Variants in ORMDL1 observed in about 807,000 individuals in gnomAD.
ORMDL1 encodes the protein ORMDL sphingolipid biosynthesis regulator 1, also known as ORM1-like protein 1.
ORMDL1 carries 10 observed loss-of-function variants against 13.0 expected under a neutral mutation model. The ratio of observed to expected loss-of-function variants is 0.77; its 90% confidence interval spans 0.47 to 1.30. ORMDL1 has a LOEUF of 1.30. Ranked by LOEUF, ORMDL1 falls within the 50% of genes most tolerant of loss-of-function variation. The pLI is 0.00. For synonymous variants in ORMDL1, 61 were observed against 63.9 expected, an observed-to-expected ratio of 0.95 and a Z score of 0.22; for missense variants, 171 against 186.7, an observed-to-expected ratio of 0.92 and a Z score of 0.49.
chr2:189,769,906 G>C (rs1260600278), downstream of ORMDL1, among the ~76,000 whole-genome samples: 2 of 152,040 alleles, frequency 1.3e-5, no homozygotes, highest in Non-Finnish European at 2.9e-5. Context: ...TATGTCTCCT[G>C]ACTTGAAGTC....
chr2:189,783,206 TAAG>T (rs916387501), intron 1 of ORMDL1, 83 bp from the exon 2 acceptor site: 8 of 152,230 alleles, frequency 5.3e-5, no homozygotes, highest in Admixed American at 5.2e-4. Flanking sequence ...TAGGTGAAAA[TAAG>T]GAGTCTTCTG....
intron 3 of ORMDL1, among the ~76,000 whole-genome samples, chr2:189,779,057 A>G (rs989217018): frequency 6.6e-6 from 1 of 152,150 alleles, no homozygotes; most frequent in Non-Finnish European, 1.5e-5. Flanking sequence ...ACACACCTAT[A>G]GTCCTAGCTA....
At chr2:189,773,465 T>G (rs2047624150) in intron 4 of ORMDL1, among the ~76,000 whole-genome samples, 1 of 152,220 alleles carries the variant, frequency 6.6e-6, no homozygotes, top group African/African-American at 2.4e-5. Flanking sequence ...GCTCACCCTG[T>G]AATCCCAGCA....
At chr2:189,782,055 G>A (rs528502529) in intron 3 of ORMDL1, among the ~76,000 whole-genome samples, 1 of 151,604 alleles carries the variant, frequency 6.6e-6, no homozygotes. Context: ...CGATTCTCCT[G>A]CCTCAGCCTC....
At position 189,775,675 on chromosome 2, in the gene ORMDL1, G is replaced by A. The variant is rs150700090; in HGVS notation, c.216C>T (p.Phe72=). ...TTGCTTTACCCTGGTCAGGAGTTTC[G>A]AAAGGTGTTCCTTTCACTGCATGCA... The part of the protein sequence containing the change: ...VFLHAVKGTP[F]ETPDQGKARL... The change falls in exon 4 of 5, where the codon TTC becomes TTT. Residue 72 remains phenylalanine (F), a synonymous_variant. Transcript: ENST00000392349. 3.5e-5 allele frequency: 57 copies of A among 1,613,756 alleles called. No individual in the cohort carries two copies. The African/African-American group carries it at 5.2e-4, about 15-fold the overall frequency.
chr2:189,783,888 G>C (rs967362105), intron 1 of ORMDL1, among the ~76,000 whole-genome samples: 6 of 152,206 alleles, frequency 3.9e-5, no homozygotes, highest in Non-Finnish European at 7.3e-5. Flanking sequence ...CCGTGAAGAG[G>C]CTGTTGGCTC....
chr2:189,778,128 C>T (rs1054906281), intron 3 of ORMDL1: 8 of 447,338 alleles, frequency 1.8e-5, no homozygotes, highest in African/African-American at 1.4e-4. Flanking sequence ...GCATCTAAAC[C>T]GTGGTGGCTC....
chr2:189,775,316 C>T (rs112092480), intron 4 of ORMDL1: 5 of 337,664 alleles, frequency 1.5e-5, no homozygotes, highest in African/African-American at 4.3e-5. Flanking sequence ...TACATTTGAC[C>T]TGTATATCCT....
chr2:189,777,485 A>G (rs1234064988), intron 3 of ORMDL1, among the ~76,000 whole-genome samples: 1 of 152,232 alleles, frequency 6.6e-6, no homozygotes, highest in African/African-American at 2.4e-5. Flanking sequence ...CCTTCAAACC[A>G]TATGTACTTA....
intron 3 of ORMDL1, among the ~76,000 whole-genome samples, chr2:189,776,475 A>C (rs1432569076): frequency 1.3e-5 from 2 of 152,186 alleles, no homozygotes; most frequent in East Asian, 3.8e-4. Flanking sequence ...TTAGACTCAT[A>C]GGCAGTGTTT....
At chr2:189,764,342 T>C in the ORMDL1 span, 1 of 152,232 alleles carries the variant, frequency 6.6e-6, no homozygotes, top group Non-Finnish European at 1.5e-5. Flanking sequence ...ATCCCAATGC[T>C]CTTCTGTGCT....
At chr2:189,768,243 C>G (rs2047514954), downstream of ORMDL1, among the ~76,000 whole-genome samples, 1 of 152,202 alleles carries the variant, frequency 6.6e-6, no homozygotes, top group Non-Finnish European at 1.5e-5. Flanking sequence ...CTAGATAGGT[C>G]TTTTCAGTAC....
At chr2:189,764,678 A>ATGT in the ORMDL1 span, among the ~76,000 whole-genome samples, 2 of 152,302 alleles carry the variant, frequency 1.3e-5, no homozygotes, top group East Asian at 3.9e-4. Flanking sequence ...GGCATTCTCA[A>ATGT]AAAATATGGC....
downstream of ORMDL1, among the ~76,000 whole-genome samples, chr2:189,770,142 C>CTAAGAGGGAGACTTCTA (rs2047547131): frequency 6.6e-6 from 1 of 151,928 alleles, no homozygotes; most frequent in Non-Finnish European, 1.5e-5. Flanking sequence ...GAAAGCATGT[C>CTAAGAGGGAGACTTCTA]TAAGAGGGAG....
intron 4 of ORMDL1, among the ~76,000 whole-genome samples, chr2:189,772,504 T>C (rs1204358935): frequency 6.6e-6 from 1 of 152,218 alleles, no homozygotes; most frequent in Non-Finnish European, 1.5e-5. Flanking sequence ...CAAATGCATG[T>C]ATGTTTTTGG....
chr2:189,776,762 CAT>C (rs2047706489), intron 3 of ORMDL1, among the ~76,000 whole-genome samples: 1 of 152,116 alleles, frequency 6.6e-6, no homozygotes, highest in African/African-American at 2.4e-5. Context: ...GGAAAGGACT[CAT>C]GTTCAATTGG....
At chr2:189,775,248 A>G in intron 4 of ORMDL1, 1 of 188,980 alleles carries the variant, frequency 5.3e-6, no homozygotes. Context: ...ACAGTGCAAT[A>G]TAGAATATGA....
chr2:189,772,038 C>T, intron 4 of ORMDL1, 136 bp from the exon 5 acceptor site: 1 of 684,324 alleles, frequency 1.5e-6, no homozygotes, highest in Non-Finnish European at 2.2e-6. Context: ...AGCACTAAAA[C>T]AAGAGGAATC....
chr2:189,771,064 C>T lies in ORMDL1; in HGVS notation c.*703G>A, dbSNP rs1295174932. On this transcript the variant is annotated 3_prime_UTR_variant, in exon 5 of 5. Transcript: ENST00000392349. Reference sequence around the variant, plus strand: ...CCTTGTGTCTGGAAAAGCAGTAAAACCTGCTTTGTTCCAAAATTAGAACAC... The same window carrying T: ...CCTTGTGTCTGGAAAAGCAGTAAAATCTGCTTTGTTCCAAAATTAGAACAC... 3 of 152,156 alleles carry T rather than the reference C, an allele frequency of 2.0e-5. No homozygotes were observed. The highest frequency in any genetic ancestry group is 7.2e-5 in the African/African-American group (3 of 41,434). 9.4% of individuals were successfully genotyped at this position (152,156 alleles called of 1,614,324 possible). A position where few individuals can be genotyped will look rare whatever the true frequency, so the allele number is the denominator to read the frequency against.
Sources: gnomAD v4.1 joint callset for allele counts (sites outside exome capture counted in the v4.1 genomes callset) on GRCh38, gnomAD v4.1.1 for gene constraint, MANE v1.5 for transcripts, NCBI Gene and HGNC (gene_info 2026-07-23, HGNC 2026-07-21) for gene names.